The following ARHGAP10 variants were observed in gnomAD, a reference collection of about 807,000 sequenced individuals.
ARHGAP10 encodes rho GTPase-activating protein 10.
A neutral mutation model predicts 108.6 loss-of-function variants in ARHGAP10; 87 were observed. The observed-to-expected ratio is 0.80, with a 90% CI of 0.67 to 0.96. The LOEUF is 0.96. Among genes scored for constraint, ARHGAP10 ranks in the 40% least tolerant of loss-of-function variants. ARHGAP10 has a pLI of 0.00. For synonymous variants in ARHGAP10, 347 were observed against 341.1 expected, an observed-to-expected ratio of 1.02 and a Z score of -0.19; for missense variants, 939 against 954.5, an observed-to-expected ratio of 0.98 and a Z score of 0.21.
intron 1 of ARHGAP10, among the ~76,000 whole-genome samples, chr4:147,787,194 T>G (rs1213704530): frequency 1.3e-5 from 2 of 152,190 alleles, no homozygotes; most frequent in Non-Finnish European, 2.9e-5. Flanking sequence ...GAGGGTATTT[T>G]CAGTGGGAGG....
chr4:148,030,116 G>GA lies in ARHGAP10; in HGVS notation c.1867+6714dup, dbSNP rs528207690. The stretch of plus-strand genomic sequence containing the variant: ...ACATTTCCCCCTTTCTGTGGAGGAG[G>GA]AAAAAAAAAAAGCTTATTTAATGCC... On this transcript the variant is annotated intron_variant, in intron 19 of 22. Transcript: ENST00000336498. Among the ~76,000 whole-genome samples the GA allele has an allele frequency of 7.7e-3, 1,083 of 141,314 alleles. 7 individuals are homozygous for GA. Among genetic ancestry groups the GA allele is most frequent in the African/African-American group, 0.012 (455 of 38,552 alleles). 92.7% of individuals were successfully genotyped at this position (141,314 alleles called of 152,430 possible).
In ARHGAP10 at chr4:148,067,039, G is replaced by A. The variant is rs141147948; in HGVS notation, c.2272+2532G>A. ...ACCCCGGGTGTCTCAGGAGCTCCTC[G>A]TTCTGTCCCTCCCCTAAGGCTGGCT... On this transcript the variant is annotated intron_variant, in intron 22 of 22. Transcript: ENST00000336498. Among the ~76,000 whole-genome samples, 37 of 152,274 alleles carry A rather than the reference G, an allele frequency of 2.4e-4. No individual in the cohort carries two copies. The East Asian group carries it at 4.1e-3, about 17-fold the overall frequency.
intron 1 of ARHGAP10, chr4:147,745,320 C>T (rs1728863909): frequency 6.6e-6 from 1 of 152,368 alleles, no homozygotes; most frequent in Admixed American, 6.5e-5. Flanking sequence ...CATCCAAATA[C>T]TTCAAAACAT....
chr4:147,890,020 A>ATAGCACTGTT (rs2126884437), intron 10 of ARHGAP10, among the ~76,000 whole-genome samples: 1 of 152,350 alleles, frequency 6.6e-6, no homozygotes, highest in South Asian at 2.1e-4. Context: ...GAGACAGCAT[A>ATAGCACTGTT]TAGCACTGTT....
intron 22 of ARHGAP10, among the ~76,000 whole-genome samples, chr4:148,067,231 TA>T (rs1409722055): frequency 1.3e-5 from 2 of 152,240 alleles, no homozygotes; most frequent in Non-Finnish European, 1.5e-5. Flanking sequence ...GCTTGCTGCT[TA>T]ATAGGAACAC....
intron 15 of ARHGAP10, among the ~76,000 whole-genome samples, chr4:147,948,965 C>CAA (rs571158588): frequency 2.7e-4 from 24 of 87,782 alleles, no homozygotes; most frequent in African/African-American, 7.3e-4. Flanking sequence ...GACTCTGTCT[C>CAA]AAAAAAAAAA....
intron 13 of ARHGAP10, among the ~76,000 whole-genome samples, chr4:147,927,372 A>G (rs1429822017): frequency 6.6e-6 from 1 of 152,200 alleles, no homozygotes; most frequent in Non-Finnish European, 1.5e-5. Flanking sequence ...AGAGAGATGC[A>G]CTGTCTTTGC....
At chr4:147,977,176 T>C (rs1390799317) in intron 18 of ARHGAP10, among the ~76,000 whole-genome samples, 1 of 152,210 alleles carries the variant, frequency 6.6e-6, no homozygotes, top group Non-Finnish European at 1.5e-5. Flanking sequence ...TAAAAAATGA[T>C]GATGAAGAAT....
At chr4:147,939,572 A>G (rs1738090274) in intron 13 of ARHGAP10, among the ~76,000 whole-genome samples, 1 of 152,234 alleles carries the variant, frequency 6.6e-6, no homozygotes. Flanking sequence ...ATACTTAACT[A>G]ACTTACTAAC....
intron 7 of ARHGAP10, among the ~76,000 whole-genome samples, chr4:147,872,733 G>GA (rs1175363095): frequency 2.6e-5 from 4 of 152,220 alleles, no homozygotes; most frequent in Non-Finnish European, 4.4e-5. Flanking sequence ...ATCAGGAAGA[G>GA]AAAATATACT....
At chr4:147,897,998 C>T (rs1010811438) in intron 10 of ARHGAP10, among the ~76,000 whole-genome samples, 3 of 151,994 alleles carry the variant, frequency 2.0e-5, no homozygotes, top group African/African-American at 4.8e-5. Flanking sequence ...GGACTACAGG[C>T]GCCTGCCACC....
At chr4:147,814,597 C>T (rs763680185) in intron 1 of ARHGAP10, among the ~76,000 whole-genome samples, 1 of 152,094 alleles carries the variant, frequency 6.6e-6, no homozygotes, top group Non-Finnish European at 1.5e-5. Flanking sequence ...TTGGTATTCC[C>T]TTTCTTAGCA....
In ARHGAP10 at chr4:148,072,382, C is replaced by A; in HGVS notation, c.*301C>A. ...GCATATAGAATGAGAGGGAGGGCAG[C>A]CTTCTGCCACCTGTGTCGCCTCCAC... On this transcript the variant is annotated 3_prime_UTR_variant, in exon 23 of 23. Coordinates refer to ENST00000336498, the MANE Select transcript of ARHGAP10 (RefSeq NM_024605.4). The A allele has an allele frequency of 3.1e-6, 1 of 322,208 alleles. No individual in the cohort carries two copies. 20.0% of individuals were successfully genotyped at this position (322,208 alleles called of 1,614,324 possible). A position where few individuals can be genotyped will look rare whatever the true frequency, so the allele number is the denominator to read the frequency against.
At chr4:147,875,280 C>A in intron 8 of ARHGAP10, 130 bp downstream of exon 8, 2 of 1,013,126 alleles carry the variant, frequency 2.0e-6, no homozygotes, top group Non-Finnish European at 2.7e-6. Context: ...GCTCCTATCA[C>A]CTAATGGGTG....
chr4:147,867,524 G>C (rs1734614397), intron 7 of ARHGAP10, among the ~76,000 whole-genome samples: 1 of 152,196 alleles, frequency 6.6e-6, no homozygotes, highest in South Asian at 2.1e-4. Flanking sequence ...CAGGTAGATG[G>C]ATGGGAAGCT....
At chr4:147,868,750 A>T (rs1163643625) in intron 7 of ARHGAP10, among the ~76,000 whole-genome samples, 1 of 152,114 alleles carries the variant, frequency 6.6e-6, no homozygotes, top group Non-Finnish European at 1.5e-5. Context: ...TTAGATTCTC[A>T]TAAGGACTGC....
rs1393593363 is a variant in ARHGAP10, at chr4:147,922,506, G to A, written c.1228+9367G>A. On this transcript the variant is annotated intron_variant, in intron 13 of 22. Coordinates refer to ENST00000336498, the MANE Select transcript of ARHGAP10 (RefSeq NM_024605.4). ...AGATCGAGACCATCCCGGCTAAAAC[G>A]GTGAAACCCCGTCTCTACTAAAACT... Among the ~76,000 whole-genome samples, 10 of 151,280 alleles carry A rather than the reference G, an allele frequency of 6.6e-5. 1 individual carries two copies. In the South Asian group the frequency reaches 1.7e-3, roughly 25 times the overall value.
chr4:147,838,063 A>G (rs1733247887), intron 3 of ARHGAP10, among the ~76,000 whole-genome samples: 1 of 152,158 alleles, frequency 6.6e-6, no homozygotes, highest in South Asian at 2.1e-4. Context: ...AAGTCAGCAT[A>G]TATTTTAGAA....
At position 148,046,948 on chromosome 4, in the gene ARHGAP10, T is replaced by C. The variant is rs1728913420; in HGVS notation, c.1924T>C (p.Ser642Pro). Residue 642 changes from serine to proline, a missense_variant, in exon 20 of 23, where the codon TCC becomes CCC. Coordinates refer to ENST00000336498, the MANE Select transcript of ARHGAP10 (RefSeq NM_024605.4). ...DTPTSSLDSL[S>P]SPSPVTTAVP... Reference sequence around the variant, plus strand: ...CCCTACCAGCAGTCTGGACTCACTTTCCTCCCCGTCTCCCGTGACTACAGC... The same window carrying C: ...CCCTACCAGCAGTCTGGACTCACTTCCCTCCCCGTCTCCCGTGACTACAGC... 6.2e-7 allele frequency: 1 copy of C among 1,614,156 alleles called. No individual in the cohort carries two copies. The highest frequency in any genetic ancestry group is 1.3e-5 in the African/African-American group (1 of 75,040).
Sources: gnomAD v4.1 joint callset for allele counts (sites outside exome capture counted in the v4.1 genomes callset) on GRCh38, gnomAD v4.1.1 for gene constraint, MANE v1.5 for transcripts, NCBI Gene and HGNC (gene_info 2026-07-23, HGNC 2026-07-21) for gene names.